Variants in VAT1L observed in about 807,000 individuals in gnomAD.
VAT1L encodes vesicle amine transport 1 like, also known as putative NADPH-dependent quinone oxidoreductase VAT1L.
Under a neutral mutation model 44.1 loss-of-function variants are expected in VAT1L, and 34 were observed. The ratio of observed to expected loss-of-function variants is 0.77; its 90% CI spans 0.59 to 1.03. The LOEUF is 1.03. Ranked by LOEUF, VAT1L falls within the 50% of genes least tolerant of loss-of-function variation. VAT1L has a pLI of 0.00. For synonymous variants in VAT1L, 253 were observed against 202.2 expected (o/e 1.25, Z -2.13); for missense variants, 615 against 538.8 (o/e 1.14, Z -1.40).
intron 7 of VAT1L, among the ~76,000 whole-genome samples, chr16:77,913,141 T>C (rs1367985195): frequency 6.6e-6 from 1 of 152,246 alleles, no homozygotes; most frequent in Non-Finnish European, 1.5e-5. Flanking sequence ...GAAAGAGTTG[T>C]CTATGCTTTA....
chr16:77,829,997 G>T (rs533570595), intron 3 of VAT1L, among the ~76,000 whole-genome samples: 11 of 152,204 alleles, frequency 7.2e-5, no homozygotes, highest in African/African-American at 2.4e-4. Flanking sequence ...ATGTGCCCCG[G>T]CTTCCTGACC....
At chr16:77,865,106 TGG>T (rs2016958931) in intron 4 of VAT1L, among the ~76,000 whole-genome samples, 1 of 151,766 alleles carries the variant, frequency 6.6e-6, no homozygotes, top group Admixed American at 6.6e-5. Context: ...CCCGAGTAGC[TGG>T]GACTACAGGC....
At position 77,788,778 on chromosome 16, in the gene VAT1L, C is replaced by T. The variant is rs1031124980; in HGVS notation, c.96C>T (p.Gly32=). 5 of 1,563,232 alleles carry T rather than the reference C, an allele frequency of 3.2e-6. No individual in the cohort carries two copies. The South Asian group carries it at 3.5e-5, about 11-fold the overall frequency. Residue 32 remains glycine, a synonymous_variant, in exon 1 of 9, where the codon GGC becomes GGT. Coordinates refer to ENST00000302536, the MANE Select transcript of VAT1L (RefSeq NM_020927.3). ...KEPAEGGGGD[G]SHRLGDAQEM... ...CGGCGGAGGGCGGCGGCGGCGACGG[C>T]TCGCACCGCCTCGGGGACGCCCAGG...
chr16:77,976,307 G>A (rs1053488182), intron 8 of VAT1L, among the ~76,000 whole-genome samples: 6 of 152,190 alleles, frequency 3.9e-5, no homozygotes, highest in African/African-American at 1.2e-4. Context: ...TCATAATAGG[G>A]AGATTGTTCC....
chr16:77,969,530 T>C (rs2018257113), intron 7 of VAT1L, among the ~76,000 whole-genome samples: 1 of 151,896 alleles, frequency 6.6e-6, no homozygotes, highest in African/African-American at 2.4e-5. Flanking sequence ...GACCTCTCCA[T>C]AGGGCAGCTC....
intron 4 of VAT1L, among the ~76,000 whole-genome samples, chr16:77,870,939 G>A (rs117254513): frequency 2.0e-5 from 3 of 152,120 alleles, no homozygotes; most frequent in African/African-American, 4.8e-5. Context: ...TGTAACTGAG[G>A]CAGGGTCAGT....
At chr16:77,955,096 A>G (rs995270849) in intron 7 of VAT1L, among the ~76,000 whole-genome samples, 5 of 152,176 alleles carry the variant, frequency 3.3e-5, no homozygotes, top group African/African-American at 1.2e-4. Flanking sequence ...CTTGGGAAAG[A>G]GCAGAACAAA....
intron 7 of VAT1L, among the ~76,000 whole-genome samples, chr16:77,937,453 G>A (rs1427283259): frequency 6.6e-6 from 1 of 152,078 alleles, no homozygotes; most frequent in Non-Finnish European, 1.5e-5. Flanking sequence ...AGAGAAACAC[G>A]AAGGGTGGCT....
At chr16:77,936,777 G>C (rs555013433) in intron 7 of VAT1L, among the ~76,000 whole-genome samples, 5 of 152,300 alleles carry the variant, frequency 3.3e-5, no homozygotes, top group African/African-American at 1.2e-4. Flanking sequence ...GGAGAGGAAG[G>C]AGAGGGAGGA....
chr16:77,935,446 A>T (rs962383719), intron 7 of VAT1L, among the ~76,000 whole-genome samples: 1 of 151,254 alleles, frequency 6.6e-6, no homozygotes, highest in Non-Finnish European at 1.5e-5. Context: ...CCTTCCAATT[A>T]GCACAAGCCT....
At chr16:77,865,567 C>T (rs970629286) in intron 4 of VAT1L, among the ~76,000 whole-genome samples, 1 of 152,140 alleles carries the variant, frequency 6.6e-6, no homozygotes, top group African/African-American at 2.4e-5. Flanking sequence ...ATAACTGATT[C>T]ACATTTTCGA....
rs756982752 is a variant in VAT1L, at chr16:77,879,127, T to G, written c.827-42T>G. 2 of 1,599,918 alleles carry G rather than the reference T, an allele frequency of 1.3e-6. No homozygotes were observed. The highest frequency in any genetic ancestry group is 1.7e-4 in the Middle Eastern group (1 of 6,036). ...TTCATGCATAACAAGAGATGTCCAT[T>G]TTCATTAGCAATTGCTTAATGTGGG... is the stretch of plus-strand genomic sequence containing the variant. On this transcript the variant is annotated intron_variant, in intron 5 of 8. Transcript: ENST00000302536. This position sits in a 1 kb window ranked among gnomAD's most constrained non-coding sequence, Gnocchi z 4.1.
chr16:77,912,486 C>G (rs62042210), intron 7 of VAT1L, among the ~76,000 whole-genome samples: 1 of 152,036 alleles, frequency 6.6e-6, no homozygotes, highest in Non-Finnish European at 1.5e-5. Context: ...GACATGGTCA[C>G]GGCTCACTGC....
At chr16:77,819,065 C>G (rs1313413676) in intron 2 of VAT1L, among the ~76,000 whole-genome samples, 1 of 152,048 alleles carries the variant, frequency 6.6e-6, no homozygotes. Context: ...GTGCCTGCCT[C>G]TGGACTCTGA....
rs766964377 is a variant in VAT1L at position 77,825,313 on chromosome 16, A to C, written c.431A>C (p.Glu144Ala). 2.5e-6 allele frequency: 4 copies of C among 1,614,094 alleles called. No individual in the cohort carries two copies. The highest frequency in any genetic ancestry group is 2.5e-6 in the Non-Finnish European group (3 of 1,180,024). Residue 144 changes from glutamate (E) to alanine (A), a missense_variant, in exon 3 of 9, where the codon GAG becomes GCG. Physicochemically the swap from Glu to Ala is moderately radical, Grantham distance 107. Coordinates refer to ENST00000302536, the MANE Select transcript of VAT1L (RefSeq NM_020927.3). ...AWAEVVCTPV[E>A]FVYKIPDDMS... is the part of the protein sequence containing the mutation. Reference sequence around the variant, plus strand: ...GCAGAGGTGGTCTGCACACCAGTGGAGTTTGTCTACAAGATCCCGGATGAC... The same window carrying C: ...GCAGAGGTGGTCTGCACACCAGTGGCGTTTGTCTACAAGATCCCGGATGAC...
chr16:77,869,393 G>A (rs777791258), intron 4 of VAT1L, among the ~76,000 whole-genome samples: 1 of 152,208 alleles, frequency 6.6e-6, no homozygotes, highest in Non-Finnish European at 1.5e-5. Context: ...CACTCCCTTA[G>A]GCTGGATGTG....
chr16:77,834,675 G>C (rs2016619492), intron 3 of VAT1L, among the ~76,000 whole-genome samples: 1 of 151,446 alleles, frequency 6.6e-6, no homozygotes, highest in African/African-American at 2.4e-5. Flanking sequence ...ATGTGAGCAA[G>C]GGAGAAAAAA....
At chr16:77,832,808 G>T (rs1345240940) in intron 3 of VAT1L, among the ~76,000 whole-genome samples, 1 of 152,172 alleles carries the variant, frequency 6.6e-6, no homozygotes, top group Non-Finnish European at 1.5e-5. Flanking sequence ...CCATCTATGT[G>T]CCTGAGCACT....
chr16:77,961,731 A>T (rs2018162382), intron 7 of VAT1L, among the ~76,000 whole-genome samples: 1 of 152,138 alleles, frequency 6.6e-6, no homozygotes, highest in Admixed American at 6.5e-5. Context: ...CTCCTTGGAG[A>T]GGAAACCAGG....
Sources: allele counts gnomAD v4.1 joint callset (sites outside exome capture counted in the v4.1 genomes callset), GRCh38; gene constraint gnomAD v4.1.1; non-coding constraint Gnocchi (gnomAD v3.1); transcripts MANE v1.5; gene names NCBI Gene and HGNC (gene_info 2026-07-23, HGNC 2026-07-21).